The following SRGAP1 variants were observed in gnomAD, a reference collection of about 807,000 sequenced individuals.
The protein encoded by SRGAP1 is SLIT-ROBO Rho GTPase-activating protein 1.
A neutral mutation model predicts 121.9 loss-of-function variants in SRGAP1; 43 were observed. That is an observed-to-expected ratio of 0.35 (90% CI 0.28 to 0.46). The LOEUF is 0.46. SRGAP1 is among the 20% of genes least tolerant of loss of function. The pLI, the probability that SRGAP1 is intolerant of heterozygous loss-of-function variation, is 1.00. For missense variants in SRGAP1, 1,102 were observed against 1,350.9 expected (o/e 0.82, Z 2.89); for synonymous variants, 447 against 485.4 (o/e 0.92, Z 1.04).
At chr12:64,072,108 C>CTGTGTG (rs66959510) in intron 8 of SRGAP1, among the ~76,000 whole-genome samples, 5,600 of 80,242 alleles carry the variant, frequency 0.07, 323 homozygotes, top group East Asian at 0.11. Flanking sequence ...CAATCTCTCT[C>CTGTGTG]TGTGTGTGTG....
At chr12:64,039,628 CGT>C (rs6144742) in intron 4 of SRGAP1, among the ~76,000 whole-genome samples, 42,433 of 130,734 alleles carry the variant, frequency 0.32, 6,827 homozygotes, top group Admixed American at 0.44. Flanking sequence ...AGCTGAGCAA[CGT>C]GTGTGTGTGT....
chr12:64,012,084 T>C (rs904875163), intron 3 of SRGAP1, among the ~76,000 whole-genome samples: 1 of 151,742 alleles, frequency 6.6e-6, no homozygotes, highest in African/African-American at 2.4e-5. Context: ...AAAATTATAA[T>C]GAGCTGGGGG....
At chr12:63,898,124 C>A (rs1900814385) in intron 1 of SRGAP1, among the ~76,000 whole-genome samples, 1 of 152,178 alleles carries the variant, frequency 6.6e-6, no homozygotes, top group Non-Finnish European at 1.5e-5. Flanking sequence ...CTGTGAAATA[C>A]AGCTAATGTT....
intron 15 of SRGAP1, among the ~76,000 whole-genome samples, chr12:64,104,940 G>A (rs114793824): frequency 2.0e-3 from 309 of 151,836 alleles, no homozygotes; most frequent in African/African-American, 6.5e-3. Flanking sequence ...CCATGTTAAC[G>A]ATTTTTAAGT....
At chr12:64,078,742 T>C (rs1201120936) in intron 8 of SRGAP1, among the ~76,000 whole-genome samples, 177 bp from the exon 9 acceptor site, 1 of 152,156 alleles carries the variant, frequency 6.6e-6, no homozygotes, top group African/African-American at 2.4e-5. Flanking sequence ...TTTGAAGAAA[T>C]CATTCTCTTA....
At chr12:63,873,372 A>C (rs970200326) in intron 1 of SRGAP1, among the ~76,000 whole-genome samples, 3 of 151,952 alleles carry the variant, frequency 2.0e-5, no homozygotes, top group Non-Finnish European at 2.9e-5. Flanking sequence ...GTCTACTACA[A>C]ATACAAAAAA....
chr12:63,948,797 T>TATATATATTCCATATATATGTTTTCC, intron 1 of SRGAP1, among the ~76,000 whole-genome samples: 1 of 142,846 alleles, frequency 7.0e-6, no homozygotes, highest in East Asian at 2.0e-4. Flanking sequence ...ATGTTTTCCA[T>TATATATATTCCATATATATGTTTTCC]ATATATATAT....
In SRGAP1 at chr12:64,147,541, C is replaced by T. The variant is rs1555178383; in HGVS notation, c.*4869C>T. The T allele has an allele frequency of 2.5e-6, 1 of 398,994 alleles. No homozygotes were observed. Among genetic ancestry groups the T allele is most frequent in the East Asian group, 3.6e-5 (1 of 28,062 alleles). 24.7% of individuals were successfully genotyped at this position (398,994 alleles called of 1,614,324 possible). A position where few individuals can be genotyped will look rare whatever the true frequency, so the allele number is the denominator to read the frequency against. On this transcript the variant is annotated 3_prime_UTR_variant, in exon 22 of 22. Coordinates refer to ENST00000355086, the MANE Select transcript of SRGAP1 (RefSeq NM_020762.4). ...TAGACGTGATTGTGCCTTTCTCACC[C>T]CTGTGTCCTCCCATCCCACCGCATC...
At chr12:63,848,695 C>T (rs1427418089) in intron 1 of SRGAP1, among the ~76,000 whole-genome samples, 2 of 152,142 alleles carry the variant, frequency 1.3e-5, no homozygotes, top group African/African-American at 2.4e-5. Flanking sequence ...CAAGCGTGCA[C>T]CACCATGCCT....
intron 6 of SRGAP1, among the ~76,000 whole-genome samples, chr12:64,061,202 T>C (rs1229725862): frequency 1.3e-5 from 2 of 152,158 alleles, no homozygotes; most frequent in Non-Finnish European, 2.9e-5. Context: ...ATCTCAAAGC[T>C]GTTATATTCC....
chr12:63,869,039 A>C (rs1465724342), intron 1 of SRGAP1, among the ~76,000 whole-genome samples: 2 of 152,200 alleles, frequency 1.3e-5, no homozygotes, highest in Non-Finnish European at 2.9e-5. Context: ...CTGGCTCTCA[A>C]AGGCATAATC....
chr12:63,986,295 G>A (rs969218993), intron 2 of SRGAP1, among the ~76,000 whole-genome samples: 1 of 152,002 alleles, frequency 6.6e-6, no homozygotes, highest in Non-Finnish European at 1.5e-5. Context: ...GTGAACAAAT[G>A]TTATATGTAT....
At chr12:64,060,803 C>T (rs1163017575) in intron 6 of SRGAP1, among the ~76,000 whole-genome samples, 1 of 152,126 alleles carries the variant, frequency 6.6e-6, no homozygotes, top group Non-Finnish European at 1.5e-5. Context: ...TGCGACTCCT[C>T]CACTATTTTA....
At chr12:63,975,156 G>A (rs1217118913) in intron 1 of SRGAP1, among the ~76,000 whole-genome samples, 3 of 152,172 alleles carry the variant, frequency 2.0e-5, no homozygotes, top group Non-Finnish European at 4.4e-5. Flanking sequence ...GGGAAACATG[G>A]TAGTTATTAA....
intron 21 of SRGAP1, among the ~76,000 whole-genome samples, chr12:64,132,829 T>C (rs920422891): frequency 1.3e-5 from 2 of 151,930 alleles, no homozygotes; most frequent in African/African-American, 4.8e-5. Flanking sequence ...AGCCAGAGAG[T>C]TGCTATACCC....
chr12:64,145,231 G>A lies in SRGAP1; in HGVS notation c.*2559G>A, dbSNP rs758225418. Reference sequence around the variant, plus strand: ...CAGAGGGCATCAAAGGGCCAGAGGTGTCTTTGAATTTATTTTTTTTCAATG... The same window carrying A: ...CAGAGGGCATCAAAGGGCCAGAGGTATCTTTGAATTTATTTTTTTTCAATG... On this transcript the variant is annotated 3_prime_UTR_variant, in exon 22 of 22. Coordinates refer to ENST00000355086, the MANE Select transcript of SRGAP1 (RefSeq NM_020762.4). 3 of 152,198 alleles carry A rather than the reference G, an allele frequency of 2.0e-5. No homozygotes were observed. Among genetic ancestry groups the A allele is most frequent in the Admixed American group, 6.5e-5 (1 of 15,276 alleles). 9.4% of individuals were successfully genotyped at this position (152,198 alleles called of 1,614,324 possible).
At chr12:64,127,287 T>A (rs1236508330) in intron 19 of SRGAP1, among the ~76,000 whole-genome samples, 1 of 152,342 alleles carries the variant, frequency 6.6e-6, no homozygotes, top group African/African-American at 2.4e-5. Context: ...ATCCCAGGCA[T>A]AGAATAGAAG....
At chr12:63,995,762 G>A (rs183652923) in intron 3 of SRGAP1, among the ~76,000 whole-genome samples, 3 of 152,000 alleles carry the variant, frequency 2.0e-5, no homozygotes, top group Admixed American at 2.0e-4. Context: ...CTCACTTTAG[G>A]TATTGCTGAT....
At chr12:63,891,983 C>CAAAAAAAAAAAAAAAAAAAAAA (rs10716009) in intron 1 of SRGAP1, among the ~76,000 whole-genome samples, 1 of 96,346 alleles carries the variant, frequency 1.0e-5, no homozygotes, top group Non-Finnish European at 2.1e-5. Flanking sequence ...AAGACTGTCT[C>CAAAAAAAAAAAAAAAAAAAAAA]AAAAAAAAAA....
Sources: gnomAD v4.1 joint callset for allele counts (sites outside exome capture counted in the v4.1 genomes callset) on GRCh38, gnomAD v4.1.1 for gene constraint, MANE v1.5 for transcripts, NCBI Gene and HGNC (gene_info 2026-07-23, HGNC 2026-07-21) for gene names.